Variants in TMEM108 observed in about 807,000 individuals in gnomAD.
TMEM108 encodes the protein cancer/testis antigen 124.
In TMEM108, 12 loss-of-function variants were observed where a neutral mutation model predicts 35.1. The observed-to-expected ratio is 0.34, with a 90% CI of 0.22 to 0.55. The LOEUF (loss-of-function observed/expected upper bound fraction) is 0.55, where lower values mean the gene tolerates loss of function less well. TMEM108 is among the 20% of genes least tolerant of loss of function. The pLI is 0.89. For missense variants in TMEM108, 680 were observed against 753.3 expected (o/e 0.90, Z 1.14); for synonymous variants, 287 against 308.6 (o/e 0.93, Z 0.73).
intron 2 of TMEM108, among the ~76,000 whole-genome samples, chr3:133,202,108 G>C (rs759273304): frequency 7.2e-5 from 11 of 152,138 alleles, no homozygotes; most frequent in Non-Finnish European, 1.6e-4. Context: ...CTTTTGATAA[G>C]TTTCTGTTCA....
chr3:133,262,489 T>TA (rs1946638659), intron 3 of TMEM108, among the ~76,000 whole-genome samples: 1 of 152,224 alleles, frequency 6.6e-6, no homozygotes, highest in African/African-American at 2.4e-5. Context: ...TACCAGACGT[T>TA]ACCATAGTGA....
intron 3 of TMEM108, among the ~76,000 whole-genome samples, chr3:133,298,314 A>G (rs553669159): frequency 1.3e-5 from 2 of 152,204 alleles, no homozygotes; most frequent in Non-Finnish European, 2.9e-5. Flanking sequence ...TGTTTCTTCC[A>G]GCGCCTTCCT....
chr3:133,238,540 GC>G, intron 3 of TMEM108, among the ~76,000 whole-genome samples: 1 of 152,250 alleles, frequency 6.6e-6, no homozygotes, highest in Non-Finnish European at 1.5e-5. Context: ...TACTTTCTGA[GC>G]CTCTGCCACT....
intron 2 of TMEM108, among the ~76,000 whole-genome samples, chr3:133,105,716 G>C (rs1445712230): frequency 6.6e-6 from 1 of 152,180 alleles, no homozygotes; most frequent in Non-Finnish European, 1.5e-5. Context: ...CACAAGTAGA[G>C]GGATAAACTG....
intron 1 of TMEM108, among the ~76,000 whole-genome samples, chr3:133,040,015 C>G (rs576972465): frequency 6.6e-6 from 1 of 151,990 alleles, no homozygotes. Flanking sequence ...TATCAGCCAC[C>G]GGAAATCAAA....
chr3:133,099,832 A>C lies in TMEM108; in HGVS notation c.-47+53812A>C, dbSNP rs533217375. ...CACTATCAGCATTTTTGTCAAAGCC[A>C]TTCAACAAGTCTCTAGGAGGCTCCA... On this transcript the variant is annotated intron_variant, in intron 2 of 5. Coordinates refer to ENST00000321871, the MANE Select transcript of TMEM108 (RefSeq NM_023943.4). Among the ~76,000 whole-genome samples, 25 of 152,306 alleles carry C rather than the reference A, an allele frequency of 1.6e-4. 1 individual carries two copies. Among genetic ancestry groups the C allele is most frequent in the Admixed American group, 1.2e-3 (19 of 15,300 alleles).
At chr3:133,078,785 C>G (rs567398606) in intron 2 of TMEM108, among the ~76,000 whole-genome samples, 18 of 152,264 alleles carry the variant, frequency 1.2e-4, no homozygotes, top group African/African-American at 4.1e-4. Context: ...TTCTCTTTCC[C>G]TCTCTGATGC....
intron 2 of TMEM108, among the ~76,000 whole-genome samples, chr3:133,149,608 C>T (rs1944768851): frequency 6.6e-6 from 1 of 152,130 alleles, no homozygotes; most frequent in Non-Finnish European, 1.5e-5. Context: ...TTTCTTTCTG[C>T]ACTGGCTTAT....
intron 3 of TMEM108, among the ~76,000 whole-genome samples, chr3:133,351,483 G>C (rs759574759): frequency 2.6e-5 from 4 of 152,084 alleles, no homozygotes; most frequent in Non-Finnish European, 5.9e-5. Flanking sequence ...ATGAAGCACA[G>C]GCTTTTTCTG....
At chr3:133,326,466 A>G (rs572709642) in intron 3 of TMEM108, among the ~76,000 whole-genome samples, 1 of 152,250 alleles carries the variant, frequency 6.6e-6, no homozygotes, top group Non-Finnish European at 1.5e-5. Flanking sequence ...TTTAGTAGCT[A>G]TGTAATATTG....
At chr3:133,187,827 G>A (rs1374333308) in intron 2 of TMEM108, among the ~76,000 whole-genome samples, 1 of 142,358 alleles carries the variant, frequency 7.0e-6, no homozygotes, top group Non-Finnish European at 1.5e-5. Context: ...CCACTTTCAG[G>A]AGAGTTTCCT....
intron 3 of TMEM108, among the ~76,000 whole-genome samples, chr3:133,338,183 GATATCA>G (rs2071554862): frequency 6.6e-6 from 1 of 152,134 alleles, no homozygotes; most frequent in South Asian, 2.1e-4. Flanking sequence ...CCTAGAGAAA[GATATCA>G]ATATCCAAGT....
intron 2 of TMEM108, among the ~76,000 whole-genome samples, chr3:133,166,066 G>A (rs890137830): frequency 6.6e-6 from 1 of 152,212 alleles, no homozygotes; most frequent in Non-Finnish European, 1.5e-5. Flanking sequence ...TAGAACAGGG[G>A]TTCAGTTAGC....
At chr3:133,295,252 A>G (rs943281239) in intron 3 of TMEM108, among the ~76,000 whole-genome samples, 2 of 152,180 alleles carry the variant, frequency 1.3e-5, no homozygotes, top group African/African-American at 2.4e-5. Flanking sequence ...TGAGAACCAT[A>G]GCATTTGAGA....
chr3:133,190,918 T>A (rs147398728), intron 2 of TMEM108, among the ~76,000 whole-genome samples: 313 of 152,302 alleles, frequency 2.1e-3, no homozygotes, highest in Middle Eastern at 0.01. Flanking sequence ...AACTAATAGT[T>A]CAAGATATTC....
chr3:133,048,707 A>C (rs1017537100), intron 2 of TMEM108, among the ~76,000 whole-genome samples: 3 of 152,218 alleles, frequency 2.0e-5, no homozygotes, highest in Admixed American at 6.5e-5. Flanking sequence ...AGAAGCCATC[A>C]TGTATAGCCT....
At chr3:133,185,283 C>T (rs1019787361) in intron 2 of TMEM108, among the ~76,000 whole-genome samples, 12 of 152,070 alleles carry the variant, frequency 7.9e-5, no homozygotes, top group East Asian at 3.8e-4. Context: ...AGCTTCTTTC[C>T]GTGGGAAAAG....
chr3:133,061,245 T>G (rs1444122582), intron 2 of TMEM108, among the ~76,000 whole-genome samples: 1 of 143,500 alleles, frequency 7.0e-6, no homozygotes, highest in Admixed American at 7.1e-5. Context: ...AGAGTCTCAC[T>G]CTGTCGCCCA....
chr3:133,188,675 A>G (rs1195300701), intron 2 of TMEM108, among the ~76,000 whole-genome samples: 1 of 152,194 alleles, frequency 6.6e-6, no homozygotes, highest in Non-Finnish European at 1.5e-5. Context: ...AGGAGAAACC[A>G]TATTTGAGTA....
Sources: allele counts gnomAD v4.1 joint callset (sites outside exome capture counted in the v4.1 genomes callset), GRCh38; gene constraint gnomAD v4.1.1; transcripts MANE v1.5; gene names NCBI Gene and HGNC (gene_info 2026-07-23, HGNC 2026-07-21).